Variants in C1orf141 observed in about 807,000 individuals in gnomAD.
The protein encoded by C1orf141 is chromosome 1 open reading frame 141, also known as uncharacterized protein C1orf141.
C1orf141 carries 19 observed loss-of-function variants against 23.2 expected under a neutral mutation model. The observed-to-expected ratio is 0.82, with a 90% CI of 0.57 to 1.20. The LOEUF is 1.20. Ranked by LOEUF, C1orf141 falls within the 50% of genes most tolerant of loss-of-function variation. The pLI is 0.00. For synonymous variants in C1orf141, 153 were observed against 154.6 expected, an observed-to-expected ratio of 0.99 and a Z score of 0.08; for missense variants, 469 against 455.1, an observed-to-expected ratio of 1.03 and a Z score of -0.28.
chr1:67,096,266 A>G lies in C1orf141; in HGVS notation c.402T>C (p.Gly134=). 6.7e-7 allele frequency: 1 copy of G among 1,489,030 alleles called. No homozygotes were observed. Among genetic ancestry groups the G allele is most frequent in the Non-Finnish European group, 9.2e-7 (1 of 1,091,214 alleles). The allele number at this position is 1,489,030 out of a possible 1,614,324, so 92.2% of individuals were successfully genotyped here. A position where few individuals can be genotyped will look rare whatever the true frequency, so the allele number is the denominator to read the frequency against. ...AAATAAATTACCTTTTATTTCTATC[A>G]CCTTCTAAGAGACCAACAGAATCCA... ...KPLDSVGLLE[G]DRNKRKKSPQ... Residue 134 remains glycine, a synonymous_variant, in exon 6 of 8, where the codon GGT becomes GGC. Coordinates refer to ENST00000684719, the MANE Select transcript of C1orf141 (RefSeq NM_001276351.2).
chr1:67,116,777 C>A (rs921660100), intron 4 of C1orf141, among the ~76,000 whole-genome samples: 1 of 152,096 alleles, frequency 6.6e-6, no homozygotes, highest in African/African-American at 2.4e-5. Flanking sequence ...TTGCTCTTTC[C>A]TCTGCCTGTA....
At chr1:67,138,402 T>C (rs1014347844), upstream of C1orf141, among the ~76,000 whole-genome samples, 2 of 152,252 alleles carry the variant, frequency 1.3e-5, no homozygotes, top group Non-Finnish European at 2.9e-5. Context: ...TTCTTCTGAA[T>C]TGGACACGTT....
chr1:67,114,128 A>G (rs1382726711), intron 5 of C1orf141, among the ~76,000 whole-genome samples: 28 of 152,016 alleles, frequency 1.8e-4, no homozygotes, highest in Admixed American at 1.8e-3. Flanking sequence ...CACACAAAAA[A>G]CCCCCACACC....
rs764290502 is a variant in C1orf141 at position 67,093,133 on chromosome 1, T to C, written c.1075A>G (p.Ile359Val). The C allele has an allele frequency of 4.3e-6, 7 of 1,613,898 alleles. No homozygotes were observed. In the African/African-American group the frequency reaches 9.3e-5, roughly 22 times the overall value. Residue 359 changes from isoleucine to valine, a missense_variant, in exon 8 of 8, where the codon ATA becomes GTA. By Grantham distance (29) the Ile-to-Val change is conservative (BLOSUM62 3). Coordinates refer to ENST00000684719, the MANE Select transcript of C1orf141 (RefSeq NM_001276351.2). The stretch of plus-strand genomic sequence containing the variant: ...ACAGGTAAGGCACTGGATGTGGGTA[T>C]GCTCGTTGGTTTTCCTGCAGAAAAC... ...RMFSAGKPTS[I>V]PTSSALPVKC... is the part of the protein sequence containing the mutation.
chr1:67,128,453 C>T (rs1191937342), intron 2 of C1orf141, among the ~76,000 whole-genome samples: 6 of 151,828 alleles, frequency 4.0e-5, no homozygotes, highest in Admixed American at 1.3e-4. Flanking sequence ...CCTGTAATCC[C>T]AGCACTTTGG....
intron 7 of C1orf141, 62 bp downstream of exon 7, chr1:67,095,173 G>A (rs72933967): frequency 0.059 from 57,092 of 966,666 alleles, 2,750 homozygotes; most frequent in African/African-American, 0.22. Flanking sequence ...AAATATATGG[G>A]TGATTCCCAT....
intron 4 of C1orf141, among the ~76,000 whole-genome samples, chr1:67,124,307 A>T (rs905883480): frequency 1.4e-4 from 22 of 151,884 alleles, no homozygotes; most frequent in African/African-American, 4.6e-4. Context: ...CAAATGTCAT[A>T]GTTTGTTTGT....
chr1:67,126,141 T>TG (rs148932210), intron 3 of C1orf141, among the ~76,000 whole-genome samples: 1,829 of 152,178 alleles, frequency 0.012, 43 homozygotes, highest in African/African-American at 0.042. Context: ...CTGTAAAATG[T>TG]GGGGGTAGGA....
rs1444999624 is a variant in C1orf141, at chr1:67,127,191, T to C, written c.50A>G (p.Glu17Gly). ...EKLDVLDKQA[E>G]IILARRTKIN... ...CTTTGTTCTTCTGGCCAAGATTATC[T>C]CTGCTTGCTTATCAAGGACATCCAA... Residue 17 changes from glutamate (E) to glycine (G), a missense_variant, in exon 3 of 8, where the codon GAG becomes GGG. By Grantham distance (98) the Glu-to-Gly change is moderately conservative (BLOSUM62 -2). Transcript: ENST00000684719. The C allele has an allele frequency of 1.2e-6, 2 of 1,609,476 alleles. No individual in the cohort carries two copies. Among genetic ancestry groups the C allele is most frequent in the Non-Finnish European group, 1.7e-6 (2 of 1,178,296 alleles).
intron 5 of C1orf141, among the ~76,000 whole-genome samples, chr1:67,112,650 G>A (rs866258752): frequency 3.3e-5 from 5 of 152,072 alleles, no homozygotes; most frequent in African/African-American, 4.8e-5. Context: ...GCAGTGAGCC[G>A]TGACCACACT....
At chr1:67,098,356 A>G (rs1212526971) in intron 5 of C1orf141, among the ~76,000 whole-genome samples, 1 of 152,136 alleles carries the variant, frequency 6.6e-6, no homozygotes, top group African/African-American at 2.4e-5. Context: ...CCCCATCTCT[A>G]CTAAAAGTAC....
intron 2 of C1orf141, among the ~76,000 whole-genome samples, chr1:67,130,582 CA>C (rs1324642531): frequency 6.6e-6 from 1 of 152,112 alleles, no homozygotes; most frequent in Non-Finnish European, 1.5e-5. Context: ...TTTCTATATA[CA>C]GTTAACCATA....
intron 4 of C1orf141, among the ~76,000 whole-genome samples, chr1:67,118,024 A>G (rs1297658661): frequency 6.6e-6 from 1 of 152,206 alleles, no homozygotes; most frequent in Non-Finnish European, 1.5e-5. Flanking sequence ...AATGTCATAG[A>G]GATAAATGAG....
intron 4 of C1orf141, among the ~76,000 whole-genome samples, chr1:67,117,676 G>C (rs2102472310): frequency 6.6e-6 from 1 of 152,292 alleles, no homozygotes; most frequent in South Asian, 2.1e-4. Context: ...ACTTGAATGA[G>C]AATGAGTCAA....
In C1orf141 at chr1:67,093,284, G is replaced by A. The variant is rs751220763; in HGVS notation, c.924C>T (p.Asn308=). 6.2e-7 allele frequency: 1 copy of A among 1,613,702 alleles called. No individual in the cohort carries two copies. Among genetic ancestry groups the A allele is most frequent in the Admixed American group, 1.7e-5 (1 of 60,016 alleles). Residue 308 remains asparagine (N), a synonymous_variant, in exon 8 of 8, where the codon AAC becomes AAT. Transcript: ENST00000684719. ...AATTATAGAGTGTATTCCAAGATCT[G>A]TTTTCTAGTGTCTGCTTATTAGTTT... ...KKKTNKQTLE[N]RSWNTLYNFS...
In C1orf141 at chr1:67,123,504, G is replaced by A. The variant is rs538871149; in HGVS notation, c.233+2248C>T. The A allele has an allele frequency of 1.6e-4, 24 of 151,656 alleles. No individual in the cohort carries two copies. In the Middle Eastern group the frequency reaches 0.014, roughly 86 times the overall value. 9.4% of individuals were successfully genotyped at this position (151,656 alleles called of 1,614,324 possible). A position where few individuals can be genotyped will look rare whatever the true frequency, so the allele number is the denominator to read the frequency against. On this transcript the variant is annotated intron_variant, in intron 4 of 7. Transcript: ENST00000684719. ...TTATTATATAAAATTTTTTTATTTG[G>A]CTGAGGTATAACTAAATTATAAATT...
chr1:67,104,430 G>T (rs1645875353), intron 5 of C1orf141, among the ~76,000 whole-genome samples: 1 of 152,058 alleles, frequency 6.6e-6, no homozygotes, highest in African/African-American at 2.4e-5. Context: ...TTGTGAGAGG[G>T]ATAGACCACA....
chr1:67,094,923 C>T (rs903287489), intron 7 of C1orf141: 12 of 212,372 alleles, frequency 5.7e-5, no homozygotes, highest in African/African-American at 2.8e-4. Context: ...GTGCACACCA[C>T]TGCATTCTGC....
chr1:67,136,037 A>G (rs1482210013), upstream of C1orf141, among the ~76,000 whole-genome samples: 1 of 151,992 alleles, frequency 6.6e-6, no homozygotes, highest in Non-Finnish European at 1.5e-5. Flanking sequence ...AAATACAATC[A>G]TTAAAAGTAG....
Sources: allele counts gnomAD v4.1 joint callset (sites outside exome capture counted in the v4.1 genomes callset), GRCh38; gene constraint gnomAD v4.1.1; transcripts MANE v1.5; gene names NCBI Gene and HGNC (gene_info 2026-07-23, HGNC 2026-07-21).